ATP13A4: variants seen among roughly 807,000 people sequenced by gnomAD.
ATP13A4 encodes probable cation-transporting ATPase 13A4.
In ATP13A4, 114 loss-of-function variants were observed where a neutral mutation model predicts 142.5. That is an observed-to-expected ratio of 0.80 (90% CI 0.69 to 0.93). The LOEUF is 0.93. Ranked by LOEUF, ATP13A4 falls within the 40% of genes least tolerant of loss-of-function variation. The probability of loss-of-function intolerance (pLI) is 0.00; values close to 1 mark genes in which losing one functional copy is unlikely to be tolerated. For synonymous variants in ATP13A4, 488 were observed against 514.8 expected (o/e 0.95, Z 0.70); for missense variants, 1,392 against 1,454.0 (o/e 0.96, Z 0.69).
intron 25 of ATP13A4, among the ~76,000 whole-genome samples, chr3:193,430,613 A>G (rs1448895757): frequency 6.6e-6 from 1 of 152,112 alleles, no homozygotes; most frequent in Non-Finnish European, 1.5e-5. Context: ...AGTCAAAGAC[A>G]TATAAAGATC....
At chr3:193,571,188 GAATT>G (rs1724256325) in intron 2 of ATP13A4, among the ~76,000 whole-genome samples, 1 of 150,780 alleles carries the variant, frequency 6.6e-6, no homozygotes, top group Non-Finnish European at 1.5e-5. Context: ...TGAGGCAGGA[GAATT>G]GTTTGAACCT....
chr3:193,452,794 A>ATAT (rs3052518), intron 17 of ATP13A4, among the ~76,000 whole-genome samples: 101,718 of 147,470 alleles, frequency 0.69, 35,234 homozygotes, highest in African/African-American at 0.72. Flanking sequence ...TATATATATA[A>ATAT]TATTATCTTA....
chr3:193,409,021 TA>T (rs1189769964), intron 28 of ATP13A4, among the ~76,000 whole-genome samples: 3 of 152,208 alleles, frequency 2.0e-5, no homozygotes, highest in Non-Finnish European at 4.4e-5. Context: ...CCAAAGTATG[TA>T]AAATAAACTA....
chr3:193,414,748 T>G lies in ATP13A4; in HGVS notation c.2845A>C (p.Asn949His), dbSNP rs759931478. 2.4e-5 allele frequency: 38 copies of G among 1,613,880 alleles called. No individual in the cohort carries two copies. In the Admixed American group the frequency reaches 5.3e-4, roughly 23 times the overall value. ...AGCTTAGGGTAGGCACCATTCAGAT[T>G]CACTATAAAATAAATTCGAATTTTA... ...AITTLIGVTM[N>H]LNGAYPKLVP... The change falls in exon 26 of 30, where the codon AAT becomes CAT. Residue 949 changes from asparagine (N) to histidine (H), a missense_variant and splice_region_variant. Coordinates refer to ENST00000342695, the MANE Select transcript of ATP13A4 (RefSeq NM_032279.4).
rs868759476 is a variant in ATP13A4, at chr3:193,549,427, T to C, written c.60+5313A>G. ...ACACTATAATTATCAAATATATATA[T>C]ATATATAGAGAGAGAGAGAGAGAGA... On this transcript the variant is annotated intron_variant, in intron 1 of 29. Coordinates refer to ENST00000342695, the MANE Select transcript of ATP13A4 (RefSeq NM_032279.4). Among the ~76,000 whole-genome samples, 161 of 141,866 alleles carry C rather than the reference T, an allele frequency of 1.1e-3. 1 individual carries two copies. The highest frequency in any genetic ancestry group is 4.1e-3 in the African/African-American group (155 of 38,038). 93.1% of individuals were successfully genotyped at this position (141,866 alleles called of 152,430 possible).
intron 19 of ATP13A4, 87 bp downstream of exon 19, chr3:193,442,306 A>G: frequency 7.3e-7 from 1 of 1,362,512 alleles, no homozygotes; most frequent in Middle Eastern, 1.8e-4. Flanking sequence ...ATTTGGAAGC[A>G]TATGTTGACT....
chr3:193,567,347 A>C lies in ATP13A4; in HGVS notation n.291+14360T>G, dbSNP rs1335750657. Reference sequence around the variant, plus strand: ...TTTACTTTATTCCCCTGTCTCTGTCATTCAGTTTTCCACAATAAACATGCT... The same window carrying C: ...TTTACTTTATTCCCCTGTCTCTGTCCTTCAGTTTTCCACAATAAACATGCT... On this transcript the variant is annotated intron_variant and non_coding_transcript_variant, in intron 2 of 3. Coordinates refer to the ATP13A4 transcript ENST00000489140. 2.0e-5 allele frequency among the ~76,000 whole-genome samples: 3 copies of C among 152,328 alleles called. No individual in the cohort carries two copies. In the East Asian group the frequency reaches 5.8e-4, roughly 29 times the overall value.
At chr3:193,533,681 G>C (rs1438893530) in intron 1 of ATP13A4, among the ~76,000 whole-genome samples, 1 of 152,120 alleles carries the variant, frequency 6.6e-6, no homozygotes, top group African/African-American at 2.4e-5. Flanking sequence ...TCTACTCTAG[G>C]TAAACACCAC....
At chr3:193,555,391 G>C (rs1023822700), upstream of ATP13A4, among the ~76,000 whole-genome samples, 1 of 152,140 alleles carries the variant, frequency 6.6e-6, no homozygotes, top group Non-Finnish European at 1.5e-5. Context: ...TCTTCAAAAG[G>C]TATTTGTAAT....
At chr3:193,537,184 G>T (rs981419609) in intron 1 of ATP13A4, among the ~76,000 whole-genome samples, 4 of 151,952 alleles carry the variant, frequency 2.6e-5, no homozygotes, top group Admixed American at 1.3e-4. Flanking sequence ...AAAACAATCA[G>T]TCCACCTGAT....
chr3:193,428,367 G>A (rs1373217870), intron 25 of ATP13A4, among the ~76,000 whole-genome samples: 1 of 152,106 alleles, frequency 6.6e-6, no homozygotes, highest in African/African-American at 2.4e-5. Flanking sequence ...TTCAACCATT[G>A]TGGAAGACAG....
chr3:193,521,147 T>C lies in ATP13A4; in HGVS notation c.61-6276A>G, dbSNP rs558903888. ...AAATTGCCTACTATGTCTAAGACAA[T>C]GGGTAAAGTATGTCTGCTAGAGATA... On this transcript the variant is annotated intron_variant, in intron 1 of 29. Transcript: ENST00000342695. 2.8e-4 allele frequency among the ~76,000 whole-genome samples: 43 copies of C among 152,288 alleles called. 1 individual carries two copies. Among genetic ancestry groups the C allele is most frequent in the South Asian group, 2.1e-3 (10 of 4,830 alleles).
chr3:193,465,706 T>G (rs2108643395), intron 11 of ATP13A4, among the ~76,000 whole-genome samples: 1 of 152,322 alleles, frequency 6.6e-6, no homozygotes, highest in South Asian at 2.1e-4. Context: ...GCTCAATAGC[T>G]CTAAATATGC....
intron 21 of ATP13A4, 106 bp from the exon 22 acceptor site, chr3:193,439,171 T>A: frequency 8.4e-7 from 1 of 1,190,524 alleles, no homozygotes; most frequent in Non-Finnish European, 1.2e-6. Context: ...AAACTCATTA[T>A]TTAAGGGAAT....
intron 1 of ATP13A4, among the ~76,000 whole-genome samples, chr3:193,549,816 C>A (rs1217653785): frequency 1.3e-5 from 2 of 151,960 alleles, no homozygotes; most frequent in African/African-American, 2.4e-5. Context: ...CAGACAGAGA[C>A]CCTTTCTCCA....
At chr3:193,417,304 C>G (rs548795015) in intron 25 of ATP13A4, among the ~76,000 whole-genome samples, 1 of 152,180 alleles carries the variant, frequency 6.6e-6, no homozygotes, top group South Asian at 2.1e-4. Flanking sequence ...GTAAAGGTAA[C>G]TATATCAGCT....
chr3:193,580,708 A>T (rs773658851), intron 2 of ATP13A4, among the ~76,000 whole-genome samples: 92 of 152,300 alleles, frequency 6.0e-4, no homozygotes, highest in Admixed American at 1.9e-3. Context: ...AATACCTGCG[A>T]GTAGGGGGAG....
intron 2 of ATP13A4, among the ~76,000 whole-genome samples, chr3:193,560,311 G>A (rs766928475): frequency 7.9e-5 from 12 of 151,672 alleles, no homozygotes; most frequent in Non-Finnish European, 1.6e-4. Flanking sequence ...TAGGCCCAAG[G>A]GATCCTGCCA....
At chr3:193,445,980 A>G (rs1043683285) in intron 18 of ATP13A4, among the ~76,000 whole-genome samples, 10 of 151,910 alleles carry the variant, frequency 6.6e-5, no homozygotes, top group Admixed American at 2.6e-4. Flanking sequence ...AAAAAAAAAA[A>G]AGTCTTAAAG....
Sources: allele counts gnomAD v4.1 joint callset (sites outside exome capture counted in the v4.1 genomes callset), GRCh38; gene constraint gnomAD v4.1.1; transcripts MANE v1.5; gene names NCBI Gene and HGNC (gene_info 2026-07-23, HGNC 2026-07-21).